The following RAB4B variants were observed in gnomAD, a reference collection of about 807,000 sequenced individuals.
The protein encoded by RAB4B is ras-related protein Rab-4B.
In RAB4B, 15 loss-of-function variants were observed where a neutral mutation model predicts 28.3. That is an observed-to-expected ratio of 0.53 (90% CI 0.35 to 0.82). The LOEUF is 0.82. RAB4B is among the 40% of genes least tolerant of loss of function. The pLI is 0.01. For synonymous variants in RAB4B, 108 were observed against 116.3 expected, an observed-to-expected ratio of 0.93 and a Z score of 0.46; for missense variants, 244 against 288.5, an observed-to-expected ratio of 0.85 and a Z score of 1.12.
At chr19:40,787,270 T>C (rs1364136156) in intron 7 of RAB4B, among the ~76,000 whole-genome samples, 4 of 150,378 alleles carry the variant, frequency 2.7e-5, no homozygotes, top group Admixed American at 6.6e-5. Context: ...CTCGGTGGCT[T>C]ATGCCTGTAA....
intron 5 of RAB4B, among the ~76,000 whole-genome samples, chr19:40,785,207 A>G (rs1262471266): frequency 6.6e-6 from 1 of 151,892 alleles, no homozygotes; most frequent in African/African-American, 2.4e-5. Context: ...GACAACCCAC[A>G]CCAAAAGGTT....
intron 3 of RAB4B, among the ~76,000 whole-genome samples, chr19:40,783,146 TCAA>T (rs2083065384): frequency 3.9e-5 from 1 of 25,760 alleles, no homozygotes; most frequent in African/African-American, 1.6e-4. Context: ...AGATTCCTAC[TCAA>T]AAAAAAAAAA....
In RAB4B at chr19:40,783,832, C is replaced by A; in HGVS notation, c.267C>A (p.Asp89Glu). 9.2e-7 allele frequency: 1 copy of A among 1,090,832 alleles called. No homozygotes were observed. The highest frequency in any genetic ancestry group is 1.3e-6 in the Non-Finnish European group (1 of 778,994). The allele number at this position is 1,090,832 out of a possible 1,614,324, so 67.6% of individuals were successfully genotyped here. A position where few individuals can be genotyped will look rare whatever the true frequency, so the allele number is the denominator to read the frequency against. ...RGAAGALLVY[D>E]ITSRETYNSL... ...CGGCTGGAGCCCTGCTGGTGTACGACATCACCAGGTGGGTGCCCGGGGTGG... is the reference window on the plus strand; with the variant it reads ...CGGCTGGAGCCCTGCTGGTGTACGAAATCACCAGGTGGGTGCCCGGGGTGG... Residue 89 changes from aspartate to glutamate, a missense_variant, in exon 4 of 8, where the codon GAC becomes GAA. Transcript: ENST00000357052.
At chr19:40,784,159 C>T in intron 5 of RAB4B, 84 bp downstream of exon 5, 1 of 1,466,894 alleles carries the variant, frequency 6.8e-7, no homozygotes, top group Non-Finnish European at 9.1e-7. Context: ...AGTGGCTGTA[C>T]CCAGCAGGGG....
At position 40,778,267 on chromosome 19, in the gene RAB4B, C is replaced by A; in HGVS notation, c.-109C>A. ...GAGGCGGAAGTGGCGGTGCCGGGCC[C>A]GGGGAGTAGGAAGGAGCCGGGGCTG... On this transcript the variant is annotated 5_prime_UTR_variant, in exon 1 of 8. Transcript: ENST00000357052. 9.1e-7 allele frequency: 1 copy of A among 1,098,968 alleles called. No individual in the cohort carries two copies. Among genetic ancestry groups the A allele is most frequent in the Non-Finnish European group, 1.2e-6 (1 of 803,262 alleles). The allele number at this position is 1,098,968 out of a possible 1,614,324, so 68.1% of individuals were successfully genotyped here.
At chr19:40,794,935 G>A (rs1197217000) in intron 7 of RAB4B, 2 of 146,854 alleles carry the variant, frequency 1.4e-5, no homozygotes, top group African/African-American at 5.1e-5. Flanking sequence ...ACAAGGTCAG[G>A]AGATGAAGAC....
intron 4 of RAB4B, 23 bp from the exon 5 acceptor site, chr19:40,783,898 C>T (rs756476233): frequency 2.5e-6 from 4 of 1,592,198 alleles, no homozygotes; most frequent in Non-Finnish European, 3.4e-6. Flanking sequence ...GCACTGCCTC[C>T]CTCCCTTCTC....
At chr19:40,790,398 T>C (rs1354708356) in intron 7 of RAB4B, among the ~76,000 whole-genome samples, 6 of 151,240 alleles carry the variant, frequency 4.0e-5, no homozygotes, top group Admixed American at 1.3e-4. Context: ...TGAGACAGAG[T>C]CTCGCTCTGT....
At chr19:40,780,614 A>G (rs540734040) in intron 3 of RAB4B, 115 bp downstream of exon 3, 102 of 796,712 alleles carry the variant, frequency 1.3e-4, no homozygotes, top group Middle Eastern at 1.2e-3. Context: ...AGACAGAGAG[A>G]GATGAGACAC....
Position 40,786,669 on chromosome 19 carries a change from G to T in RAB4B, c.435G>T (p.Leu145=). The change falls in exon 6 of 8, where the codon CTG becomes CTT. Residue 145 remains leucine, a synonymous_variant. Coordinates refer to ENST00000357052, the MANE Select transcript of RAB4B (RefSeq NM_016154.5). ...EASRFAQENE[L]MFLETSALTG... ...TCAGAGTGTGTGCCCCTGCAGAGCT[G>T]ATGTTCCTGGAGACCAGCGCTCTCA... 1 of 1,613,994 alleles carries T rather than the reference G, an allele frequency of 6.2e-7. No individual in the cohort carries two copies. Among genetic ancestry groups the T allele is most frequent in the Non-Finnish European group, 8.5e-7 (1 of 1,179,924 alleles).
rs983690360 is a variant in RAB4B at position 40,778,361 on chromosome 19, G to A, written c.-15G>A. Reference sequence around the variant, plus strand: ...GCGGCGCCATATTGCGGCCCTCAGCGGCCGCGACCGAGTCATGGCTGAGAC... The same window carrying A: ...GCGGCGCCATATTGCGGCCCTCAGCAGCCGCGACCGAGTCATGGCTGAGAC... On this transcript the variant is annotated 5_prime_UTR_variant, in exon 1 of 8. Transcript: ENST00000357052. 1.1e-5 allele frequency: 16 copies of A among 1,482,434 alleles called. No individual in the cohort carries two copies. The African/African-American group carries it at 2.3e-4, about 22-fold the overall frequency. The allele number at this position is 1,482,434 out of a possible 1,614,324, so 91.8% of individuals were successfully genotyped here. A position where few individuals can be genotyped will look rare whatever the true frequency, so the allele number is the denominator to read the frequency against.
At chr19:40,794,997 C>CAAAAAAAA (rs59417778) in intron 7 of RAB4B, among the ~76,000 whole-genome samples, 13 of 99,936 alleles carry the variant, frequency 1.3e-4, no homozygotes, top group African/African-American at 3.6e-4. Context: ...ACTAAAAATA[C>CAAAAAAAA]AAAAAAAAAA....
At chr19:40,788,581 G>A (rs1410148083) in intron 7 of RAB4B, among the ~76,000 whole-genome samples, 1 of 150,236 alleles carries the variant, frequency 6.7e-6, no homozygotes, top group Non-Finnish European at 1.5e-5. Flanking sequence ...TAGGGTGGAG[G>A]AGTGTACTTT....
chr19:40,793,919 G>T (rs2545760), intron 7 of RAB4B, among the ~76,000 whole-genome samples: 154 of 151,286 alleles, frequency 1.0e-3, no homozygotes, highest in Middle Eastern at 3.4e-3. Flanking sequence ...GCTAGACTCC[G>T]TCTCACAAAA....
At chr19:40,780,187 C>T (rs1428830439) in intron 2 of RAB4B, 88 bp downstream of exon 2, 3 of 1,566,746 alleles carry the variant, frequency 1.9e-6, no homozygotes, top group African/African-American at 2.7e-5. Flanking sequence ...GAGGGCAGGG[C>T]TGGCCATAGG....
At chr19:40,790,859 T>A (rs929296171) in intron 7 of RAB4B, among the ~76,000 whole-genome samples, 1 of 146,902 alleles carries the variant, frequency 6.8e-6, no homozygotes, top group African/African-American at 2.5e-5. Context: ...TTTTTGTATT[T>A]TTTTTTTTTT....
intron 3 of RAB4B, among the ~76,000 whole-genome samples, chr19:40,781,102 G>T (rs2644917): frequency 0.087 from 12,075 of 138,224 alleles, 774 homozygotes; most frequent in East Asian, 0.2. Context: ...TGGTGAAACC[G>T]TGTCTCTACT....
At position 40,786,674 on chromosome 19, in the gene RAB4B, T is replaced by C. The variant is rs1568493359; in HGVS notation, c.440T>C (p.Phe147Ser). Reference protein sequence around the residue: ...SRFAQENELMFLETSALTGEN... With the variant: ...SRFAQENELMSLETSALTGEN... Reference sequence around the variant, plus strand: ...GTGTGTGCCCCTGCAGAGCTGATGTTCCTGGAGACCAGCGCTCTCACAGGC... The same window carrying C: ...GTGTGTGCCCCTGCAGAGCTGATGTCCCTGGAGACCAGCGCTCTCACAGGC... The change falls in exon 6 of 8, where the codon TTC becomes TCC. Residue 147 changes from phenylalanine (F) to serine (S), a missense_variant. Phe to Ser is a radical substitution (Grantham distance 155). Coordinates refer to ENST00000357052, the MANE Select transcript of RAB4B (RefSeq NM_016154.5). The C allele has an allele frequency of 1.9e-6, 3 of 1,614,022 alleles. No individual in the cohort carries two copies. In the Admixed American group the frequency reaches 5.0e-5, roughly 27 times the overall value.
intron 5 of RAB4B, 96 bp downstream of exon 5, chr19:40,784,171 A>G: frequency 7.0e-7 from 1 of 1,427,934 alleles, no homozygotes; most frequent in Non-Finnish European, 9.4e-7. Flanking sequence ...CAGCAGGGGA[A>G]CGTGGAGGTT....
Sources: gnomAD v4.1 joint callset for allele counts (sites outside exome capture counted in the v4.1 genomes callset) on GRCh38, gnomAD v4.1.1 for gene constraint, MANE v1.5 for transcripts, NCBI Gene and HGNC (gene_info 2026-07-23, HGNC 2026-07-21) for gene names.